Variants in GRIP1 observed in about 807,000 individuals in gnomAD.
The protein encoded by GRIP1 is glutamate receptor interacting protein 1.
In GRIP1, 45 loss-of-function variants were observed where a neutral mutation model predicts 129.9. The observed-to-expected ratio is 0.35, with a 90% CI of 0.27 to 0.44. The LOEUF (loss-of-function observed/expected upper bound fraction) is 0.44. Ranked by LOEUF, GRIP1 falls within the 20% of genes least tolerant of loss-of-function variation. The probability of loss-of-function intolerance (pLI) is 1.00; values close to 1 mark genes in which losing one functional copy is unlikely to be tolerated. For synonymous variants in GRIP1, 530 were observed against 520.8 expected (o/e 1.02, Z -0.24); for missense variants, 1,196 against 1,396.8 (o/e 0.86, Z 2.29).
intron 1 of GRIP1, among the ~76,000 whole-genome samples, chr12:67,057,604 T>C (rs1385916191): frequency 6.6e-6 from 1 of 152,108 alleles, no homozygotes; most frequent in Non-Finnish European, 1.5e-5. Flanking sequence ...CCAATGCTAT[T>C]ATCATAATTT....
chr12:66,376,596 A>G lies in GRIP1; in HGVS notation c.2778+421T>C, dbSNP rs949918280. 9.5e-4 allele frequency among the ~76,000 whole-genome samples: 145 copies of G among 152,338 alleles called. 2 individuals carry two copies. The highest frequency in any genetic ancestry group is 1.8e-4 in the Non-Finnish European group (12 of 68,042). ...CAGGATTTACAATTAACAGCAATGT[A>G]CTGTGTAATATTTTTGCTGCTTATC... On this transcript the variant is annotated intron_variant, in intron 22 of 24. Transcript: ENST00000359742.
At chr12:66,982,270 T>C (rs1310602678) in intron 1 of GRIP1, among the ~76,000 whole-genome samples, 1 of 152,210 alleles carries the variant, frequency 6.6e-6, no homozygotes, top group Admixed American at 6.6e-5. Context: ...TTCTTGATTT[T>C]GTGTGTGATG....
intron 1 of GRIP1, among the ~76,000 whole-genome samples, chr12:66,972,881 C>A (rs908461277): frequency 6.6e-6 from 1 of 152,198 alleles, no homozygotes. Flanking sequence ...TAGAGGAGAG[C>A]TTTTAGGGCC....
chr12:66,521,828 T>TA (rs2061016284), intron 5 of GRIP1, among the ~76,000 whole-genome samples: 1 of 152,168 alleles, frequency 6.6e-6, no homozygotes, highest in African/African-American at 2.4e-5. Flanking sequence ...CCAACGGGCT[T>TA]AAAAAACAGC....
chr12:67,050,270 T>G (rs900477489), intron 1 of GRIP1, among the ~76,000 whole-genome samples: 1 of 152,212 alleles, frequency 6.6e-6, no homozygotes, highest in Non-Finnish European at 1.5e-5. Flanking sequence ...AGAAATTCCT[T>G]CTTTGCCCTA....
At chr12:66,468,481 G>A (rs2059347306) in intron 7 of GRIP1, among the ~76,000 whole-genome samples, 1 of 152,160 alleles carries the variant, frequency 6.6e-6, no homozygotes, top group Admixed American at 6.5e-5. Flanking sequence ...TATCTGTCTT[G>A]AACTGTTTTT....
intron 1 of GRIP1, among the ~76,000 whole-genome samples, chr12:66,784,151 T>C (rs998636096): frequency 2.6e-5 from 4 of 152,148 alleles, no homozygotes; most frequent in African/African-American, 9.7e-5. Context: ...TAGATAACTA[T>C]GTTACATGAA....
At chr12:66,600,024 G>A (rs2064210648) in intron 1 of GRIP1, among the ~76,000 whole-genome samples, 1 of 152,152 alleles carries the variant, frequency 6.6e-6, no homozygotes, top group South Asian at 2.1e-4. Flanking sequence ...GACCTTGTAT[G>A]GTGTAAGTTA....
chr12:66,667,575 T>C (rs1438210551), intron 1 of GRIP1, among the ~76,000 whole-genome samples: 1 of 152,176 alleles, frequency 6.6e-6, no homozygotes, highest in African/African-American at 2.4e-5. Context: ...AACCACTTTT[T>C]CCCCAGGATA....
intron 2 of GRIP1, among the ~76,000 whole-genome samples, chr12:66,567,331 T>C (rs1192309378): frequency 6.6e-6 from 1 of 152,224 alleles, no homozygotes; most frequent in East Asian, 1.9e-4. Flanking sequence ...TGTGTCTTTG[T>C]TCTCATTGGT....
chr12:66,747,261 A>G (rs979040226), intron 1 of GRIP1, among the ~76,000 whole-genome samples: 1 of 152,194 alleles, frequency 6.6e-6, no homozygotes, highest in Non-Finnish European at 1.5e-5. Flanking sequence ...CCTTGGCTGT[A>G]TAAACTACTT....
intron 1 of GRIP1, among the ~76,000 whole-genome samples, chr12:66,966,032 T>C (rs190895857): frequency 3.3e-5 from 5 of 152,276 alleles, no homozygotes; most frequent in Admixed American, 6.5e-5. Flanking sequence ...TGTCCTTAAA[T>C]AGCAGGTTGT....
At chr12:66,798,254 G>C (rs960525997) in intron 1 of GRIP1, among the ~76,000 whole-genome samples, 16 of 152,118 alleles carry the variant, frequency 1.1e-4, no homozygotes, top group Non-Finnish European at 1.9e-4. Context: ...TGTTTGTATA[G>C]TTAAAACAGA....
chr12:66,845,785 A>G (rs1015325571), intron 1 of GRIP1, among the ~76,000 whole-genome samples: 6 of 152,208 alleles, frequency 3.9e-5, no homozygotes. Context: ...CTATTCTGAA[A>G]GACAGAAAAG....
At chr12:66,496,818 AAGGGAAAG>A (rs1333872740) in intron 7 of GRIP1, among the ~76,000 whole-genome samples, 2 of 152,080 alleles carry the variant, frequency 1.3e-5, no homozygotes, top group African/African-American at 2.4e-5. Flanking sequence ...AAGGGAAGAA[AAGGGAAAG>A]AAGGGCAATA....
intron 1 of GRIP1, among the ~76,000 whole-genome samples, chr12:67,005,341 T>C (rs1357766801): frequency 2.0e-5 from 3 of 152,210 alleles, no homozygotes; most frequent in Non-Finnish European, 2.9e-5. Context: ...GTTGTTGATA[T>C]GTCAAAAACT....
chr12:66,630,444 AGT>A (rs2030639765), intron 1 of GRIP1: 1 of 152,180 alleles, frequency 6.6e-6, no homozygotes, highest in Non-Finnish European at 1.5e-5. Flanking sequence ...AAGGGGCTTA[AGT>A]TCTTATGGGG....
At chr12:67,066,888 T>TTTTATATATATATA (rs59891449) in intron 1 of GRIP1, among the ~76,000 whole-genome samples, 4,023 of 125,390 alleles carry the variant, frequency 0.032, 81 homozygotes, top group Non-Finnish European at 0.046. Flanking sequence ...AAATATATAT[T>TTTTATATATATATA]TATATATATA....
chr12:66,894,369 T>C (rs1445010267), intron 1 of GRIP1, among the ~76,000 whole-genome samples: 1 of 152,168 alleles, frequency 6.6e-6, no homozygotes, highest in Non-Finnish European at 1.5e-5. Context: ...TCTTGTCTCT[T>C]TCTGGAGGCC....
Sources: gnomAD v4.1 joint callset for allele counts (sites outside exome capture counted in the v4.1 genomes callset) on GRCh38, gnomAD v4.1.1 for gene constraint, MANE v1.5 for transcripts, NCBI Gene and HGNC (gene_info 2026-07-23, HGNC 2026-07-21) for gene names.